Variants in ADAM17 observed in about 807,000 individuals in gnomAD.
ADAM17 encodes the protein disintegrin and metalloproteinase domain-containing protein 17.
In ADAM17, 39 loss-of-function variants were observed where a neutral mutation model predicts 96.7. The ratio of observed to expected loss-of-function variants is 0.40; its 90% CI spans 0.31 to 0.53. ADAM17 has a LOEUF of 0.53. Ranked by LOEUF, ADAM17 falls within the 20% of genes least tolerant of loss-of-function variation. ADAM17 has a pLI of 0.44. For synonymous variants in ADAM17, 344 were observed against 359.2 expected, an observed-to-expected ratio of 0.96 and a Z score of 0.48; for missense variants, 777 against 1,013.2, an observed-to-expected ratio of 0.77 and a Z score of 3.17.
In ADAM17 at chr2:9,514,301, G is replaced by T. The variant is rs532225213; in HGVS notation, c.1191+3600C>A. 3.2e-5 allele frequency among the ~76,000 whole-genome samples: 4 copies of T among 126,312 alleles called. No homozygotes were observed. The East Asian group carries it at 1.0e-3, about 32-fold the overall frequency. 82.9% of individuals were successfully genotyped at this position (126,312 alleles called of 152,430 possible). A position where few individuals can be genotyped will look rare whatever the true frequency, so the allele number is the denominator to read the frequency against. On this transcript the variant is annotated intron_variant, in intron 10 of 18. Transcript: ENST00000310823. ...ATGTTCTCACTCAAAGGTGGGAATT[G>T]AACAATGAGAACACTTGGACACAGG...
intron 1 of ADAM17, among the ~76,000 whole-genome samples, chr2:9,545,955 AGGCATGGT>A (rs1488743237): frequency 6.6e-6 from 1 of 151,870 alleles, no homozygotes; most frequent in African/African-American, 2.4e-5. Context: ...AAAATTAGCC[AGGCATGGT>A]GGCATGTGCT....
Position 9,489,730 on chromosome 2 carries a change from A to C in ADAM17, c.*447T>G, listed in dbSNP as rs1212631585. On this transcript the variant is annotated 3_prime_UTR_variant, in exon 19 of 19. Transcript: ENST00000310823. ...CCTTTGTTTTTAGTTGAAGGCAAAA[A>C]AAAAAAAAAAAAAAAAAAACTATTC... 2.6e-5 allele frequency: 2 copies of C among 77,206 alleles called. No homozygotes were observed. Among genetic ancestry groups the C allele is most frequent in the African/African-American group, 6.3e-5 (1 of 15,780 alleles). The allele number at this position is 77,206 out of a possible 1,614,324, so 4.8% of individuals were successfully genotyped here. A position where few individuals can be genotyped will look rare whatever the true frequency, so the allele number is the denominator to read the frequency against.
intron 1 of ADAM17, among the ~76,000 whole-genome samples, chr2:9,545,832 T>A (rs1665386921): frequency 6.6e-6 from 1 of 151,620 alleles, no homozygotes; most frequent in Non-Finnish European, 1.5e-5. Flanking sequence ...GGTGGCTCGC[T>A]CCTGTAATCC....
Position 9,505,271 on chromosome 2 carries a change from T to A in ADAM17, c.1439A>T (p.Asn480Ile). The A allele has an allele frequency of 6.2e-7, 1 of 1,612,692 alleles. No homozygotes were observed. The highest frequency in any genetic ancestry group is 8.5e-7 in the Non-Finnish European group (1 of 1,178,810). ...FQERSNKVCGNSRVDEGEECD... is the reference protein window; with the variant it reads ...FQERSNKVCGISRVDEGEECD... ...CTCTTCTCCTTCATCCACCCTCGAG[T>A]TCCCACAAACTTTATTGCTGCGTTC... Residue 480 changes from asparagine (N) to isoleucine (I), a missense_variant, in exon 12 of 19, where the codon AAC becomes ATC. Physicochemically the swap from Asn to Ile is moderately radical, Grantham distance 149 (BLOSUM62 -3). This residue lies in a region of ADAM17 where 446 missense variants were observed against 664.7 expected (regional missense o/e 0.67). Transcript: ENST00000310823.
rs2276338 is a variant in ADAM17, at chr2:9,505,660, C to T, written c.1345-295G>A. On this transcript the variant is annotated intron_variant, in intron 11 of 18. Coordinates refer to ENST00000310823, the MANE Select transcript of ADAM17 (RefSeq NM_003183.6). ...GACCAAACATCCCAGTCAAAGCCCA[C>T]TTAAGGACAAGCAGAATAGCACAAC... 196,554 of 375,760 alleles carry T rather than the reference C, an allele frequency of 0.52. 54,547 individuals carry two copies. Among genetic ancestry groups the T allele is most frequent in the Middle Eastern group, 0.67 (770 of 1,156 alleles). 23.3% of individuals were successfully genotyped at this position (375,760 alleles called of 1,614,324 possible). A position where few individuals can be genotyped will look rare whatever the true frequency, so the allele number is the denominator to read the frequency against.
chr2:9,550,970 G>A (rs1349855135), intron 1 of ADAM17, among the ~76,000 whole-genome samples: 1 of 151,294 alleles, frequency 6.6e-6, no homozygotes, highest in Non-Finnish European at 1.5e-5. Flanking sequence ...AGCTATTCGT[G>A]AGGCTGAGGC....
intron 11 of ADAM17, among the ~76,000 whole-genome samples, chr2:9,507,357 C>G (rs1352057698): frequency 6.6e-6 from 1 of 151,970 alleles, no homozygotes; most frequent in Non-Finnish European, 1.5e-5. Flanking sequence ...CAAAAATTGG[C>G]CAGGTGTGGT....
chr2:9,549,267 A>G (rs894202950), intron 1 of ADAM17, among the ~76,000 whole-genome samples: 1 of 152,144 alleles, frequency 6.6e-6, no homozygotes, highest in Non-Finnish European at 1.5e-5. Flanking sequence ...GCTACTCAGA[A>G]GCCTGAGGCA....
chr2:9,549,794 C>T (rs1384710780), intron 1 of ADAM17, among the ~76,000 whole-genome samples: 1 of 152,156 alleles, frequency 6.6e-6, no homozygotes, highest in Non-Finnish European at 1.5e-5. Flanking sequence ...GCTGAGATGA[C>T]AGTCGTGAGC....
At chr2:9,521,453 T>C in intron 7 of ADAM17, 137 bp from the exon 8 acceptor site, 1 of 538,742 alleles carries the variant, frequency 1.9e-6, no homozygotes, top group Non-Finnish European at 3.2e-6. Context: ...CATAAATTCT[T>C]CAGTACCAAT....
intron 12 of ADAM17, among the ~76,000 whole-genome samples, chr2:9,503,497 A>T (rs1463835992): frequency 6.6e-6 from 1 of 152,200 alleles, no homozygotes; most frequent in African/African-American, 2.4e-5. Context: ...CCATAAAAAA[A>T]CCTTGTTAAA....
rs185153946 is a variant in ADAM17, at chr2:9,531,176, T to C, written c.451-3222A>G. On this transcript the variant is annotated intron_variant, in intron 4 of 18. Transcript: ENST00000310823. ...TTTCACCATGTTGGCCAGGCTGGCCTCGAACTCCTGGCCTGAAGTGATCCA... is the reference window on the plus strand; with the variant it reads ...TTTCACCATGTTGGCCAGGCTGGCCCCGAACTCCTGGCCTGAAGTGATCCA... Among the ~76,000 whole-genome samples the C allele has an allele frequency of 6.6e-5, 10 of 151,642 alleles. No individual in the cohort carries two copies. In the East Asian group the frequency reaches 2.0e-3, roughly 30 times the overall value.
chr2:9,535,646 T>C lies in ADAM17; in HGVS notation c.450+188A>G, dbSNP rs185478472. 8.5e-4 allele frequency among the ~76,000 whole-genome samples: 130 copies of C among 152,360 alleles called. 1 individual carries two copies. Among genetic ancestry groups the C allele is most frequent in the Admixed American group, 1.9e-3 (29 of 15,296 alleles). On this transcript the variant is annotated intron_variant, in intron 4 of 18. Transcript: ENST00000310823. ...CTCTCTCAATTATGGTACTTAGAAA[T>C]ACAGGGTGTATCATAACACAGCTTC...
chr2:9,507,500 C>G (rs1663481423), intron 11 of ADAM17, among the ~76,000 whole-genome samples: 1 of 151,934 alleles, frequency 6.6e-6, no homozygotes, highest in African/African-American at 2.4e-5. Context: ...AGACTCCACT[C>G]AAAAAATCAT....
intron 11 of ADAM17, among the ~76,000 whole-genome samples, chr2:9,509,659 C>A (rs1057437551): frequency 6.6e-6 from 1 of 152,070 alleles, no homozygotes; most frequent in Non-Finnish European, 1.5e-5. Flanking sequence ...AATGAAATGA[C>A]AAATTTTTAA....
chr2:9,550,002 GAAA>G (rs1665532222), intron 1 of ADAM17, among the ~76,000 whole-genome samples: 1 of 152,092 alleles, frequency 6.6e-6, no homozygotes, highest in Non-Finnish European at 1.5e-5. Flanking sequence ...TCTGATATCA[GAAA>G]TGGAAAACAT....
intron 10 of ADAM17, among the ~76,000 whole-genome samples, chr2:9,514,987 C>T (rs972893341): frequency 6.6e-6 from 1 of 152,172 alleles, no homozygotes; most frequent in Non-Finnish European, 1.5e-5. Flanking sequence ...GATCCTCCCG[C>T]GTAGCTGGGA....
In ADAM17 at chr2:9,494,812, T is replaced by C. The variant is rs767461269; in HGVS notation, c.1784-45A>G. ...TTGACAGCTGGATTGTTCTGAGACC[T>C]GCCTCTCCTCCTGCCTCCTCTTTCC... On this transcript the variant is annotated intron_variant, in intron 14 of 18. Coordinates refer to ENST00000310823, the MANE Select transcript of ADAM17 (RefSeq NM_003183.6). The C allele has an allele frequency of 2.3e-5, 37 of 1,605,376 alleles. No homozygotes were observed. The South Asian group carries it at 3.8e-4, about 16-fold the overall frequency.
intron 10 of ADAM17, among the ~76,000 whole-genome samples, chr2:9,511,020 A>G (rs1223214850): frequency 6.6e-6 from 1 of 152,190 alleles, no homozygotes; most frequent in East Asian, 1.9e-4. Flanking sequence ...TCAACCACAC[A>G]CAATCTGGTG....
Sources: allele counts gnomAD v4.1 joint callset (sites outside exome capture counted in the v4.1 genomes callset), GRCh38; gene constraint gnomAD v4.1.1; regional missense constraint gnomAD v4.1.1; transcripts MANE v1.5; gene names NCBI Gene and HGNC (gene_info 2026-07-23, HGNC 2026-07-21).